The following DLGAP1 variants were observed in gnomAD, a reference collection of about 807,000 sequenced individuals.
The protein encoded by DLGAP1 is DLG associated protein 1.
A neutral mutation model predicts 90.8 loss-of-function variants in DLGAP1; 11 were observed. That is an observed-to-expected ratio of 0.12 (90% CI 0.08 to 0.20). The LOEUF is 0.20. DLGAP1 is among the 10% of genes least tolerant of loss of function. The pLI is 1.00. For synonymous variants in DLGAP1, 558 were observed against 540.7 expected, an observed-to-expected ratio of 1.03 and a Z score of -0.44; for missense variants, 1,050 against 1,333.8, an observed-to-expected ratio of 0.79 and a Z score of 3.31.
chr18:3,766,790 G>A (rs993557011), intron 5 of DLGAP1, among the ~76,000 whole-genome samples: 5 of 152,068 alleles, frequency 3.3e-5, no homozygotes, highest in Non-Finnish European at 7.4e-5. Context: ...ATTAAAACAA[G>A]CATATTAGAA....
At chr18:3,787,991 G>T (rs1440258622) in intron 5 of DLGAP1, among the ~76,000 whole-genome samples, 1 of 152,136 alleles carries the variant, frequency 6.6e-6, no homozygotes, top group Non-Finnish European at 1.5e-5. Flanking sequence ...CTGTCAACAC[G>T]CCTGGACTGA....
chr18:3,510,810 T>C (rs1054210504), intron 10 of DLGAP1, among the ~76,000 whole-genome samples: 4 of 152,194 alleles, frequency 2.6e-5, no homozygotes, highest in Non-Finnish European at 4.4e-5. Flanking sequence ...AGCTATATAA[T>C]AGACTGCCAT....
intron 7 of DLGAP1, among the ~76,000 whole-genome samples, chr18:3,647,931 CT>C (rs1427304338): frequency 6.6e-6 from 1 of 152,162 alleles, no homozygotes; most frequent in African/African-American, 2.4e-5. Flanking sequence ...TCTATACTTT[CT>C]TCCAATATGT....
chr18:4,353,558 T>C (rs1159574868), intron 1 of DLGAP1, among the ~76,000 whole-genome samples: 1 of 152,178 alleles, frequency 6.6e-6, no homozygotes, highest in Non-Finnish European at 1.5e-5. Context: ...AGCCTTCTGC[T>C]TTTTGGCTCT....
At chr18:4,431,753 G>C (rs1345238801) in intron 1 of DLGAP1, among the ~76,000 whole-genome samples, 1 of 152,120 alleles carries the variant, frequency 6.6e-6, no homozygotes, top group Non-Finnish European at 1.5e-5. Context: ...TACTGGTAAT[G>C]ATCAAGACAC....
At chr18:3,664,218 C>CACACACACCCACACA (rs1555620386) in intron 7 of DLGAP1, among the ~76,000 whole-genome samples, 2 of 75,774 alleles carry the variant, frequency 2.6e-5, no homozygotes, top group Admixed American at 1.1e-4. Context: ...ACACACACAC[C>CACACACACCCACACA]CACACACACA....
At chr18:4,257,970 C>CGTGT (rs1568475452) in intron 1 of DLGAP1, among the ~76,000 whole-genome samples, 56 of 95,100 alleles carry the variant, frequency 5.9e-4, no homozygotes, top group South Asian at 8.6e-4. Context: ...AAGAGTTATA[C>CGTGT]ATATGTGTGT....
At chr18:3,838,724 G>A (rs1054664984) in intron 4 of DLGAP1, among the ~76,000 whole-genome samples, 1 of 152,162 alleles carries the variant, frequency 6.6e-6, no homozygotes. Context: ...AAAGATAATT[G>A]TTGCATCCAT....
intron 3 of DLGAP1, among the ~76,000 whole-genome samples, chr18:3,964,895 A>T (rs866303203): frequency 1.3e-5 from 2 of 152,194 alleles, no homozygotes; most frequent in South Asian, 4.1e-4. Context: ...GGGATGAACA[A>T]ATCTTGCTCT....
chr18:4,330,038 T>C (rs1028643192), intron 1 of DLGAP1, among the ~76,000 whole-genome samples: 2 of 152,036 alleles, frequency 1.3e-5, no homozygotes, highest in Non-Finnish European at 2.9e-5. Context: ...TAGATTAAAA[T>C]GCTTGATAGA....
intron 3 of DLGAP1, among the ~76,000 whole-genome samples, chr18:3,937,067 G>C (rs1396317287): frequency 6.6e-6 from 1 of 152,182 alleles, no homozygotes; most frequent in Non-Finnish European, 1.5e-5. Context: ...CTGAAACATG[G>C]GCACGCCCTG....
intron 1 of DLGAP1, among the ~76,000 whole-genome samples, chr18:4,193,913 A>C (rs1032151771): frequency 6.6e-6 from 1 of 152,192 alleles, no homozygotes; most frequent in Non-Finnish European, 1.5e-5. Context: ...GAAATTAAAC[A>C]GAATAACAGA....
At chr18:3,632,536 C>A (rs1295714014) in intron 7 of DLGAP1, among the ~76,000 whole-genome samples, 1 of 152,140 alleles carries the variant, frequency 6.6e-6, no homozygotes, top group Non-Finnish European at 1.5e-5. Flanking sequence ...CTCCTGACCT[C>A]AGGTGATCTG....
intron 1 of DLGAP1, among the ~76,000 whole-genome samples, chr18:4,153,280 G>A (rs1278689694): frequency 6.6e-6 from 1 of 152,140 alleles, no homozygotes; most frequent in African/African-American, 2.4e-5. Flanking sequence ...AATATTCATG[G>A]GTAAGGCAGG....
chr18:3,508,401 TA>T (rs1309151866), intron 11 of DLGAP1, among the ~76,000 whole-genome samples, 168 bp downstream of exon 11: 18 of 152,356 alleles, frequency 1.2e-4, no homozygotes, highest in African/African-American at 4.1e-4. Context: ...ATTTTAATTT[TA>T]AGACAATCAG....
chr18:4,341,293 G>A (rs1475513101), intron 1 of DLGAP1, among the ~76,000 whole-genome samples: 2 of 152,032 alleles, frequency 1.3e-5, no homozygotes, highest in African/African-American at 2.4e-5. Context: ...TATACATCAT[G>A]CACTTTAGAA....
intron 11 of DLGAP1, among the ~76,000 whole-genome samples, chr18:3,503,517 A>G (rs2050056321): frequency 6.6e-6 from 1 of 152,248 alleles, no homozygotes; most frequent in Admixed American, 6.5e-5. Flanking sequence ...TACCTGCAGC[A>G]GTAGCTAAAG....
At chr18:4,246,984 G>A (rs536184191) in intron 1 of DLGAP1, among the ~76,000 whole-genome samples, 1 of 152,220 alleles carries the variant, frequency 6.6e-6, no homozygotes, top group South Asian at 2.1e-4. Flanking sequence ...TTTATTCAAT[G>A]ATAATGGCTT....
chr18:4,115,971 C>T (rs2076057641), intron 2 of DLGAP1, among the ~76,000 whole-genome samples: 1 of 152,182 alleles, frequency 6.6e-6, no homozygotes, highest in South Asian at 2.1e-4. Flanking sequence ...TGACCTACAT[C>T]ATTACCTTTA....
Sources: gnomAD v4.1 joint callset for allele counts (sites outside exome capture counted in the v4.1 genomes callset) on GRCh38, gnomAD v4.1.1 for gene constraint, MANE v1.5 for transcripts, NCBI Gene and HGNC (gene_info 2026-07-23, HGNC 2026-07-21) for gene names.